Variants in QTMAN observed in about 807,000 individuals in gnomAD.
QTMAN encodes queuosine-tRNA mannosyltransferase.
chr2:144,330,925 T>C, the QTMAN span, among the ~76,000 whole-genome samples: 3 of 152,244 alleles, frequency 2.0e-5, no homozygotes, highest in African/African-American at 7.2e-5. Flanking sequence ...CTGTGATGCA[T>C]AAGATTAAAA....
At chr2:144,306,684 A>G in the QTMAN span, among the ~76,000 whole-genome samples, 11 of 152,234 alleles carry the variant, frequency 7.2e-5, no homozygotes, top group Admixed American at 7.2e-4. Context: ...AATAGGTCTC[A>G]TAAACACACA....
chr2:144,190,160 G>A, the QTMAN span, among the ~76,000 whole-genome samples: 2 of 151,900 alleles, frequency 1.3e-5, no homozygotes, highest in African/African-American at 4.8e-5. Flanking sequence ...TCTAATCTGG[G>A]GTGGAAAACA....
the QTMAN span, among the ~76,000 whole-genome samples, chr2:144,291,244 A>G: frequency 3.9e-5 from 6 of 152,162 alleles, no homozygotes; most frequent in Admixed American, 1.3e-4. Flanking sequence ...CTCATCTCCA[A>G]ATAAGTTCAC....
chr2:144,296,791 C>A, the QTMAN span, among the ~76,000 whole-genome samples: 1 of 152,158 alleles, frequency 6.6e-6, no homozygotes, highest in African/African-American at 2.4e-5. Flanking sequence ...TACACTTTCA[C>A]CCAGGTCATC....
At chr2:144,108,268 G>A in the QTMAN span, among the ~76,000 whole-genome samples, 1 of 152,158 alleles carries the variant, frequency 6.6e-6, no homozygotes, top group Admixed American at 6.5e-5. Context: ...AATCAGGCAG[G>A]AGAAAGAAAT....
At chr2:144,093,690 G>T in the QTMAN span, among the ~76,000 whole-genome samples, 3 of 152,194 alleles carry the variant, frequency 2.0e-5, no homozygotes, top group African/African-American at 7.2e-5. Context: ...CCTGAAAGTA[G>T]TTAGTAAACA....
chr2:144,038,924 C>T, the QTMAN span, among the ~76,000 whole-genome samples: 1 of 151,976 alleles, frequency 6.6e-6, no homozygotes, highest in Non-Finnish European at 1.5e-5. Context: ...AAAAAACATC[C>T]TTTTTGCTGG....
chr2:144,141,588 C>CAAAA, the QTMAN span, among the ~76,000 whole-genome samples: 2 of 81,546 alleles, frequency 2.5e-5, no homozygotes, highest in African/African-American at 4.5e-5. Flanking sequence ...ACTTCTGTAA[C>CAAAA]AAAAAAAAAA....
At chr2:144,175,778 C>A in the QTMAN span, among the ~76,000 whole-genome samples, 1 of 152,070 alleles carries the variant, frequency 6.6e-6, no homozygotes, top group Non-Finnish European at 1.5e-5. Context: ...AATTCTCCTG[C>A]CTCAGCCTCC....
the QTMAN span, chr2:143,951,945 G>T: frequency 7.6e-6 from 7 of 927,102 alleles, no homozygotes; most frequent in Non-Finnish European, 1.2e-5. Context: ...ACTTCAATAT[G>T]GCATTTATAC....
the QTMAN span, among the ~76,000 whole-genome samples, chr2:143,972,896 T>C: frequency 5.3e-5 from 8 of 152,326 alleles, no homozygotes; most frequent in Middle Eastern, 3.4e-3. Context: ...TTAGGGAACA[T>C]AGATTAGCCT....
the QTMAN span, among the ~76,000 whole-genome samples, chr2:144,131,877 G>C: frequency 6.6e-6 from 1 of 151,800 alleles, no homozygotes; most frequent in Non-Finnish European, 1.5e-5. Context: ...AGCTTCCAGG[G>C]GATTGGTAAA....
chr2:144,291,151 C>G, the QTMAN span, among the ~76,000 whole-genome samples: 1 of 152,150 alleles, frequency 6.6e-6, no homozygotes, highest in Non-Finnish European at 1.5e-5. Flanking sequence ...TATAAGGACA[C>G]CAGTCATATT....
the QTMAN span, among the ~76,000 whole-genome samples, chr2:143,969,825 G>C: frequency 6.6e-6 from 1 of 152,208 alleles, no homozygotes; most frequent in Non-Finnish European, 1.5e-5. Flanking sequence ...AGGCTACTGA[G>C]ATGCAGGCTG....
the QTMAN span, among the ~76,000 whole-genome samples, chr2:144,019,242 C>T: frequency 6.6e-6 from 1 of 152,166 alleles, no homozygotes; most frequent in Non-Finnish European, 1.5e-5. Context: ...TCAATCCTCC[C>T]TTGCCTTTTC....
the QTMAN span, among the ~76,000 whole-genome samples, chr2:144,228,872 T>C: frequency 6.6e-6 from 1 of 152,026 alleles, no homozygotes; most frequent in Non-Finnish European, 1.5e-5. Flanking sequence ...TCAAGAGAAT[T>C]GCTTGAACCC....
chr2:144,049,226 CA>C, the QTMAN span, among the ~76,000 whole-genome samples: 1 of 152,022 alleles, frequency 6.6e-6, no homozygotes, highest in Non-Finnish European at 1.5e-5. Context: ...CAATTTACAC[CA>C]AAAACATGCT....
At chr2:144,214,291 T>C in the QTMAN span, among the ~76,000 whole-genome samples, 1 of 152,218 alleles carries the variant, frequency 6.6e-6, no homozygotes, top group Admixed American at 6.5e-5. Flanking sequence ...AAATCAGGCA[T>C]AGCAAATTCA....
the QTMAN span, among the ~76,000 whole-genome samples, chr2:143,988,545 G>C: frequency 6.6e-6 from 1 of 152,236 alleles, no homozygotes; most frequent in South Asian, 2.1e-4. Flanking sequence ...ACTGCTCTAA[G>C]ACCAGTGGTT....
Sources: allele counts gnomAD v4.1 joint callset (sites outside exome capture counted in the v4.1 genomes callset), GRCh38; gene constraint gnomAD v4.1.1; transcripts MANE v1.5; gene names NCBI Gene and HGNC (gene_info 2026-07-23, HGNC 2026-07-21).